CNTN1: variants seen among roughly 807,000 people sequenced by gnomAD.
The protein encoded by CNTN1 is contactin 1.
A neutral mutation model predicts 126.4 loss-of-function variants in CNTN1; 38 were observed. That is an observed-to-expected ratio of 0.30 (90% CI 0.23 to 0.39). CNTN1 has a LOEUF of 0.39. Among genes scored for constraint, CNTN1 ranks in the 10% least tolerant of loss-of-function variants. The probability of loss-of-function intolerance (pLI) is 1.00; values close to 1 mark genes in which losing one functional copy is unlikely to be tolerated. For synonymous variants in CNTN1, 413 were observed against 422.6 expected, an observed-to-expected ratio of 0.98 and a Z score of 0.28; for missense variants, 1,009 against 1,248.4, an observed-to-expected ratio of 0.81 and a Z score of 2.89.
At chr12:40,991,267 T>A (rs893214458) in intron 16 of CNTN1, among the ~76,000 whole-genome samples, 2 of 152,100 alleles carry the variant, frequency 1.3e-5, no homozygotes, top group Non-Finnish European at 2.9e-5. Flanking sequence ...TAGGTGTGAC[T>A]CTTCTCTGTG....
At chr12:41,049,360 T>C (rs753411733) in intron 23 of CNTN1, among the ~76,000 whole-genome samples, 7 of 152,246 alleles carry the variant, frequency 4.6e-5, no homozygotes, top group African/African-American at 7.2e-5. Context: ...TAATTTAAAC[T>C]CTTCCCCATC....
chr12:40,982,636 C>T (rs939168081), intron 16 of CNTN1, among the ~76,000 whole-genome samples: 2 of 151,948 alleles, frequency 1.3e-5, no homozygotes, highest in African/African-American at 4.8e-5. Flanking sequence ...TTATTGAGTC[C>T]CCACTGTGTG....
rs769698765 is a variant in CNTN1, at chr12:40,908,471, A to G, written c.39A>G (p.Ile13Met). 6.2e-7 allele frequency: 1 copy of G among 1,610,816 alleles called. No individual in the cohort carries two copies. Among genetic ancestry groups the G allele is most frequent in the East Asian group, 2.2e-5 (1 of 44,772 alleles). Reference protein sequence around the residue: ...MWLLVSHLVIISITTCLAEFT... With the variant: ...MWLLVSHLVIMSITTCLAEFT... ...TGCTGGTCAGTCATCTTGTGATAATATCTATTACTACCTGTTTAGCAGGTA... is the reference window on the plus strand; with the variant it reads ...TGCTGGTCAGTCATCTTGTGATAATGTCTATTACTACCTGTTTAGCAGGTA... The change falls in exon 2 of 24, where the codon ATA (isoleucine) becomes ATG (methionine). Residue 13 changes from isoleucine (I) to methionine (M), a missense_variant. By Grantham distance (10) the Ile-to-Met change is conservative (BLOSUM62 1). Transcript: ENST00000551295.
chr12:40,803,372 G>C (rs554076395), intron 1 of CNTN1, among the ~76,000 whole-genome samples: 1 of 152,044 alleles, frequency 6.6e-6, no homozygotes, highest in East Asian at 1.9e-4. Context: ...TTTTTGAAGA[G>C]CATCAGTGAT....
At chr12:41,012,797 A>C (rs1442473589) in intron 17 of CNTN1, among the ~76,000 whole-genome samples, 4 of 152,176 alleles carry the variant, frequency 2.6e-5, no homozygotes, top group Non-Finnish European at 4.4e-5. Context: ...GAATGAAAGG[A>C]CAGAGTTGGA....
intron 15 of CNTN1, among the ~76,000 whole-genome samples, chr12:40,974,213 A>G (rs1947608904): frequency 6.6e-6 from 1 of 152,178 alleles, no homozygotes; most frequent in African/African-American, 2.4e-5. Context: ...ATTACCAAAT[A>G]TATTTATAGC....
chr12:40,877,802 C>A (rs980757412), intron 1 of CNTN1, among the ~76,000 whole-genome samples: 5 of 151,948 alleles, frequency 3.3e-5, no homozygotes, highest in African/African-American at 1.2e-4. Flanking sequence ...TTGCCTTATC[C>A]AATCACAATC....
At chr12:41,038,088 A>T (rs1362344010) in intron 23 of CNTN1, among the ~76,000 whole-genome samples, 2 of 152,004 alleles carry the variant, frequency 1.3e-5, no homozygotes, top group Non-Finnish European at 2.9e-5. Flanking sequence ...AACCCAGGAG[A>T]CTGAAGTTGC....
chr12:41,034,859 G>C (rs1949221567), intron 23 of CNTN1, among the ~76,000 whole-genome samples: 1 of 152,290 alleles, frequency 6.6e-6, no homozygotes, highest in Non-Finnish European at 1.5e-5. Flanking sequence ...AAGTAATATT[G>C]TGTGAGTCTC....
chr12:40,943,691 A>G lies in CNTN1; in HGVS notation c.1474A>G (p.Lys492Glu). 6.2e-7 allele frequency: 1 copy of G among 1,612,796 alleles called. No homozygotes were observed. Among genetic ancestry groups the G allele is most frequent in the Non-Finnish European group, 8.5e-7 (1 of 1,179,140 alleles). The change falls in exon 13 of 24, where the codon AAA becomes GAA. Residue 492 changes from lysine (K) to glutamate (E), a missense_variant. Transcript: ENST00000551295. ...ATGCTTTGCAGAAAATAACAGAGGGAAAGCTAATAGCACTGGAACCCTTGT... is the reference window on the plus strand; with the variant it reads ...ATGCTTTGCAGAAAATAACAGAGGGGAAGCTAATAGCACTGGAACCCTTGT... ...YTCFAENNRGKANSTGTLVIT... is the reference protein window; with the variant it reads ...YTCFAENNRGEANSTGTLVIT...
intron 1 of CNTN1, among the ~76,000 whole-genome samples, chr12:40,779,650 G>T (rs556333907): frequency 1.9e-4 from 29 of 151,952 alleles, no homozygotes; most frequent in Admixed American, 5.3e-4. Flanking sequence ...TGAAAGTGAA[G>T]TTTTCCTATT....
chr12:40,930,207 G>T (rs1945836281), intron 7 of CNTN1, among the ~76,000 whole-genome samples: 1 of 151,978 alleles, frequency 6.6e-6, no homozygotes, highest in Non-Finnish European at 1.5e-5. Context: ...CTGTAAGAAG[G>T]TTGAGTTCGG....
intron 1 of CNTN1, among the ~76,000 whole-genome samples, chr12:40,881,280 C>A (rs1192896526): frequency 6.6e-6 from 1 of 151,814 alleles, no homozygotes; most frequent in African/African-American, 2.4e-5. Context: ...AGAGAATGAA[C>A]ACGTACTATG....
At chr12:41,018,623 T>C (rs1592412225) in intron 19 of CNTN1, among the ~76,000 whole-genome samples, 1 of 150,856 alleles carries the variant, frequency 6.6e-6, no homozygotes, top group Non-Finnish European at 1.5e-5. Context: ...AGTATATATG[T>C]ATATATTTAA....
In CNTN1 at chr12:40,988,954, G is replaced by C. The variant is rs1948034605; in HGVS notation, c.1964-4166G>C. Among the ~76,000 whole-genome samples, 6 of 152,178 alleles carry C rather than the reference G, an allele frequency of 3.9e-5. No homozygotes were observed. The South Asian group carries it at 1.2e-3, about 31-fold the overall frequency. ...AAAAATCAGGTCTAGAACAAGGTCT[G>C]CTCCTGATCCATCCCCAGTATTTGC... On this transcript the variant is annotated intron_variant, in intron 16 of 23. Coordinates refer to ENST00000551295, the MANE Select transcript of CNTN1 (RefSeq NM_001843.4).
chr12:40,747,281 AGTATTCCAATATTT>A (rs1352813107), intron 1 of CNTN1, among the ~76,000 whole-genome samples: 1 of 145,848 alleles, frequency 6.9e-6, no homozygotes, highest in African/African-American at 2.6e-5. Flanking sequence ...ATATTATAAT[AGTATTCCAATATTT>A]TGTGAAGGGA....
chr12:41,005,086 T>A (rs187370601), intron 17 of CNTN1: 2 of 152,344 alleles, frequency 1.3e-5, no homozygotes, highest in Admixed American at 1.3e-4. Context: ...CCTTTCCATA[T>A]CTAGTGATTC....
intron 1 of CNTN1, among the ~76,000 whole-genome samples, chr12:40,878,123 G>C (rs754924103): frequency 2.0e-5 from 3 of 146,904 alleles, no homozygotes; most frequent in Non-Finnish European, 1.5e-5. Flanking sequence ...TCAGCCTCCC[G>C]AGTAGCTGGG....
At chr12:40,767,304 CTTTTTTTTTTT>C (rs10639318) in intron 1 of CNTN1, among the ~76,000 whole-genome samples, 1 of 89,716 alleles carries the variant, frequency 1.1e-5, no homozygotes, top group Non-Finnish European at 2.0e-5. Flanking sequence ...CTGACCTTTC[CTTTTTTTTTTT>C]TTTTTTTTTT....
Sources: allele counts gnomAD v4.1 joint callset (sites outside exome capture counted in the v4.1 genomes callset), GRCh38; gene constraint gnomAD v4.1.1; transcripts MANE v1.5; gene names NCBI Gene and HGNC (gene_info 2026-07-23, HGNC 2026-07-21).